ZNF18: variants seen among roughly 807,000 people sequenced by gnomAD.
The protein encoded by ZNF18 is zinc finger protein 18.
Under a neutral mutation model 58.1 loss-of-function variants are expected in ZNF18, and 42 were observed. The observed-to-expected ratio is 0.72, with a 90% CI of 0.56 to 0.93. ZNF18 has a LOEUF of 0.93. Ranked by LOEUF, ZNF18 falls within the 40% of genes least tolerant of loss-of-function variation. ZNF18 has a pLI of 0.00. For missense variants in ZNF18, 540 were observed against 644.2 expected (o/e 0.84, Z 1.75); for synonymous variants, 231 against 239.8 (o/e 0.96, Z 0.34).
At chr17:12,005,941 G>C in the ZNF18 span, among the ~76,000 whole-genome samples, 1 of 151,960 alleles carries the variant, frequency 6.6e-6, no homozygotes, top group East Asian at 1.9e-4. Context: ...TCAAAAAAGT[G>C]TAGATCTCCC....
At chr17:12,017,967 A>C in the ZNF18 span, among the ~76,000 whole-genome samples, 1 of 152,202 alleles carries the variant, frequency 6.6e-6, no homozygotes, top group Admixed American at 6.5e-5. Flanking sequence ...AAGGTTCTCT[A>C]AGCAAGGAAT....
Position 11,990,959 on chromosome 17 carries a change from C to T in ZNF18, c.577+15G>A. 6.2e-7 allele frequency: 1 copy of T among 1,608,660 alleles called. No individual in the cohort carries two copies. Among genetic ancestry groups the T allele is most frequent in the Admixed American group, 1.7e-5 (1 of 59,694 alleles). On this transcript the variant is annotated intron_variant, in intron 3 of 6. Coordinates refer to ENST00000580306, the MANE Select transcript of ZNF18 (RefSeq NM_001303281.2). ...AAAATCTCTCCAAGAGAACACCACA[C>T]AGCACCATCCTCACCTAGTTCTGCT...
chr17:11,983,366 C>G lies in ZNF18; in HGVS notation c.793G>C (p.Glu265Gln). The G allele has an allele frequency of 6.2e-7, 1 of 1,614,054 alleles. No homozygotes were observed. The highest frequency in any genetic ancestry group is 8.5e-7 in the Non-Finnish European group (1 of 1,179,962). Residue 265 changes from glutamate to glutamine, a missense_variant, in exon 6 of 7, where the codon GAA becomes CAA. Transcript: ENST00000580306. ...ATTCCTGCCAGCTCTTCCCCAAATT[C>G]TATTGAATTAGTCAGGTCAGATTTG... ...HPKSDLTNSI[E>Q]FGEELAGIYL...
In ZNF18 at chr17:11,983,340, T is replaced by A. The variant is rs140979549; in HGVS notation, c.819A>T (p.Ile273=). Residue 273 remains isoleucine (I), a synonymous_variant, in exon 6 of 7, where the codon ATA becomes ATT. Coordinates refer to ENST00000580306, the MANE Select transcript of ZNF18 (RefSeq NM_001303281.2). ...GGATCTTCTCATTGACATGAAGGTA[T>A]ATTCCTGCCAGCTCTTCCCCAAATT... ...SIEFGEELAG[I]YLHVNEKIPR... The A allele has an allele frequency of 9.3e-6, 15 of 1,614,082 alleles. No homozygotes were observed. The East Asian group carries it at 3.3e-4, about 36-fold the overall frequency.
chr17:12,019,343 T>C, the ZNF18 span, among the ~76,000 whole-genome samples: 1 of 150,884 alleles, frequency 6.6e-6, no homozygotes, highest in Non-Finnish European at 1.5e-5. Context: ...TGTGTTTAAA[T>C]TAATTTTCTA....
chr17:11,983,101 T>C (rs941132346), intron 6 of ZNF18, among the ~76,000 whole-genome samples, 196 bp downstream of exon 6: 3 of 152,204 alleles, frequency 2.0e-5, no homozygotes, highest in African/African-American at 4.8e-5. Flanking sequence ...TAGTTAAATA[T>C]GTGTCAACAG....
the ZNF18 span, among the ~76,000 whole-genome samples, chr17:12,013,186 G>A: frequency 4.6e-5 from 7 of 152,154 alleles, no homozygotes; most frequent in East Asian, 7.7e-4. Flanking sequence ...TCTTGACATC[G>A]TGATCCACCC....
chr17:11,995,166 TG>T (rs1373745114), intron 1 of ZNF18, among the ~76,000 whole-genome samples: 1 of 152,168 alleles, frequency 6.6e-6, no homozygotes, highest in Non-Finnish European at 1.5e-5. Context: ...CCTAGCATTC[TG>T]GGCGTCCAAG....
Position 11,978,404 on chromosome 17 carries a change from G to A in ZNF18, c.1203C>T (p.Ala401=). ...RETSQKGQPR[A]PMAQKLPTCR... Reference sequence around the variant, plus strand: ...AGGTGGGGAGCTTCTGGGCCATGGGGGCTCTTGGCTGCCCCTTCTGGGAGG... The same window carrying A: ...AGGTGGGGAGCTTCTGGGCCATGGGAGCTCTTGGCTGCCCCTTCTGGGAGG... Residue 401 remains alanine (A), a synonymous_variant, in exon 7 of 7, where the codon GCC becomes GCT. Coordinates refer to ENST00000580306, the MANE Select transcript of ZNF18 (RefSeq NM_001303281.2). 6.5e-7 allele frequency: 1 copy of A among 1,545,672 alleles called. No individual in the cohort carries two copies. The highest frequency in any genetic ancestry group is 8.7e-7 in the Non-Finnish European group (1 of 1,150,546).
chr17:11,991,292 T>A, intron 2 of ZNF18, 129 bp from the exon 3 acceptor site: 1 of 897,374 alleles, frequency 1.1e-6, no homozygotes, highest in Non-Finnish European at 1.6e-6. Context: ...GAAAACCAGC[T>A]TTTATTTCTA....
At chr17:11,990,860 G>T in intron 3 of ZNF18, 114 bp downstream of exon 3, 1 of 1,224,106 alleles carries the variant, frequency 8.2e-7, no homozygotes, top group Non-Finnish European at 1.2e-6. Flanking sequence ...TAACCTGTTT[G>T]CAAACCTCTC....
At chr17:11,992,038 C>T (rs573349647) in intron 2 of ZNF18, among the ~76,000 whole-genome samples, 2 of 152,324 alleles carry the variant, frequency 1.3e-5, no homozygotes, top group East Asian at 3.9e-4. Flanking sequence ...GCTCTTCTCT[C>T]TGGCTGTTAA....
At chr17:12,019,294 A>ATGTGTGTGTGTG in the ZNF18 span, among the ~76,000 whole-genome samples, 9 of 145,348 alleles carry the variant, frequency 6.2e-5, no homozygotes, top group African/African-American at 1.3e-4. Flanking sequence ...ATAATATTGG[A>ATGTGTGTGTGTG]TGTGTGTGTG....
intron 6 of ZNF18, among the ~76,000 whole-genome samples, chr17:11,981,318 C>CTTT (rs35186030): frequency 7.4e-6 from 1 of 135,852 alleles, no homozygotes; most frequent in African/African-American, 2.7e-5. Context: ...CACATATCCT[C>CTTT]TTTTTTTTTT....
intron 1 of ZNF18, among the ~76,000 whole-genome samples, chr17:11,993,195 CTT>C (rs1238931733): frequency 6.6e-6 from 1 of 152,152 alleles, no homozygotes; most frequent in East Asian, 1.9e-4. Context: ...CCATACGAAA[CTT>C]TTTCACTATA....
In ZNF18 at chr17:11,983,798, G is replaced by A. The variant is rs568250964; in HGVS notation, c.751+315C>T. Among the ~76,000 whole-genome samples the A allele has an allele frequency of 7.2e-5, 11 of 152,152 alleles. No homozygotes were observed. The East Asian group carries it at 2.1e-3, about 29-fold the overall frequency. On this transcript the variant is annotated intron_variant, in intron 5 of 6. Coordinates refer to ENST00000580306, the MANE Select transcript of ZNF18 (RefSeq NM_001303281.2). ...CCCACTTATGAGCTATGTGGCAGTG[G>A]GTAAGTATTTGATCTGACACTCACT...
intron 6 of ZNF18, among the ~76,000 whole-genome samples, chr17:11,981,229 G>A (rs1351511446): frequency 1.3e-5 from 2 of 151,870 alleles, no homozygotes; most frequent in African/African-American, 2.4e-5. Context: ...CTGACTTCCT[G>A]CAGACTTCTC....
At chr17:11,984,325 C>T (rs538593573) in intron 4 of ZNF18, 128 bp from the exon 5 acceptor site, 2 of 843,056 alleles carry the variant, frequency 2.4e-6, no homozygotes, top group Non-Finnish European at 3.6e-6. Context: ...ATCGCAAGAC[C>T]TGAGAAATCC....
At chr17:12,015,263 A>T in the ZNF18 span, among the ~76,000 whole-genome samples, 2 of 152,166 alleles carry the variant, frequency 1.3e-5, no homozygotes, top group South Asian at 4.1e-4. Flanking sequence ...TTAGCCAGAG[A>T]TGCTTGTTGT....
Sources: allele counts gnomAD v4.1 joint callset (sites outside exome capture counted in the v4.1 genomes callset), GRCh38; gene constraint gnomAD v4.1.1; transcripts MANE v1.5; gene names NCBI Gene and HGNC (gene_info 2026-07-23, HGNC 2026-07-21).